The following FGF18 variants were observed in gnomAD, a reference collection of about 807,000 sequenced individuals.
The protein encoded by FGF18 is fibroblast growth factor 18.
FGF18 carries 5 observed loss-of-function variants against 23.0 expected under a neutral mutation model. The ratio of observed to expected loss-of-function variants is 0.22; its 90% confidence interval spans 0.11 to 0.46. FGF18 has a LOEUF of 0.46. Ranked by LOEUF, FGF18 falls within the 20% of genes least tolerant of loss-of-function variation. The pLI, the probability that FGF18 is intolerant of heterozygous loss-of-function variation, is 0.99. For synonymous variants in FGF18, 117 were observed against 118.9 expected (o/e 0.98, Z 0.10); for missense variants, 180 against 291.6 (o/e 0.62, Z 2.79).
intron 2 of FGF18, among the ~76,000 whole-genome samples, chr5:171,430,147 A>G (rs1772155962): frequency 6.6e-6 from 1 of 151,850 alleles, no homozygotes; most frequent in Non-Finnish European, 1.5e-5. Flanking sequence ...TCATGAGGTC[A>G]GGAGTTCAAG....
intron 3 of FGF18, among the ~76,000 whole-genome samples, chr5:171,447,146 C>T (rs1056696709): frequency 1.3e-5 from 2 of 152,234 alleles, no homozygotes; most frequent in Middle Eastern, 3.4e-3. Context: ...GAAGATTATA[C>T]CCCCATTTTA....
chr5:171,430,357 C>CAAA (rs397884738), intron 2 of FGF18, among the ~76,000 whole-genome samples: 1 of 94,866 alleles, frequency 1.1e-5, no homozygotes, highest in African/African-American at 3.9e-5. Context: ...GACTGTGTCT[C>CAAA]AAAAAAAAAA....
intron 3 of FGF18, among the ~76,000 whole-genome samples, chr5:171,442,373 GGGAA>G (rs1413938403): frequency 4.6e-5 from 7 of 152,196 alleles, no homozygotes; most frequent in Non-Finnish European, 1.5e-5. Context: ...GCCTTCAGTG[GGGAA>G]GGAGGGAGGG....
At chr5:171,441,520 C>T (rs954706931) in intron 3 of FGF18, among the ~76,000 whole-genome samples, 1 of 152,220 alleles carries the variant, frequency 6.6e-6, no homozygotes, top group African/African-American at 2.4e-5. Context: ...CCAGATATCC[C>T]CATGGCCCGC....
At chr5:171,455,793 T>G (rs1302184511) in intron 4 of FGF18, among the ~76,000 whole-genome samples, 1 of 152,196 alleles carries the variant, frequency 6.6e-6, no homozygotes, top group South Asian at 2.1e-4. Context: ...AGCCAATCAC[T>G]GAAGCCACAG....
chr5:171,439,055 A>C (rs1439839354), intron 3 of FGF18, among the ~76,000 whole-genome samples: 1 of 152,092 alleles, frequency 6.6e-6, no homozygotes, highest in Non-Finnish European at 1.5e-5. Flanking sequence ...CCCCGTAAAC[A>C]CCTGGAATCT....
chr5:171,424,918 G>A (rs1459134217), intron 2 of FGF18, among the ~76,000 whole-genome samples: 2 of 152,198 alleles, frequency 1.3e-5, no homozygotes, highest in Non-Finnish European at 2.9e-5. Context: ...AGTGTCACCC[G>A]CTCTGAGATA....
chr5:171,442,629 C>T (rs1349709045), intron 3 of FGF18, among the ~76,000 whole-genome samples: 2 of 152,244 alleles, frequency 1.3e-5, no homozygotes, highest in African/African-American at 4.8e-5. Context: ...ACCCACCCTC[C>T]AGCTTTGTTC....
At chr5:171,455,419 T>C (rs1412611448) in intron 4 of FGF18, among the ~76,000 whole-genome samples, 1 of 152,178 alleles carries the variant, frequency 6.6e-6, no homozygotes, top group African/African-American at 2.4e-5. Flanking sequence ...TAATGTCAGG[T>C]TTTATGCAAA....
At chr5:171,428,960 C>T (rs1453028921) in intron 2 of FGF18, among the ~76,000 whole-genome samples, 1 of 152,232 alleles carries the variant, frequency 6.6e-6, no homozygotes, top group Non-Finnish European at 1.5e-5. Context: ...GCAGTGCCCC[C>T]CTCCCCTGCT....
chr5:171,427,536 G>A (rs1251783993), intron 2 of FGF18, among the ~76,000 whole-genome samples: 1 of 152,158 alleles, frequency 6.6e-6, no homozygotes, highest in East Asian at 1.9e-4. Flanking sequence ...TAACCTCTCT[G>A]AGTCTCCACT....
At chr5:171,452,272 G>A (rs535631427) in intron 4 of FGF18, among the ~76,000 whole-genome samples, 4 of 152,288 alleles carry the variant, frequency 2.6e-5, no homozygotes, top group East Asian at 1.9e-4. Context: ...GCCAGGTCAC[G>A]AGGTCACTTC....
chr5:171,422,008 C>T (rs1037425580), intron 2 of FGF18, among the ~76,000 whole-genome samples: 2 of 152,090 alleles, frequency 1.3e-5, no homozygotes, highest in Non-Finnish European at 1.5e-5. Flanking sequence ...GCTTGTCTGA[C>T]CTGGGCAAGA....
intron 2 of FGF18, among the ~76,000 whole-genome samples, chr5:171,431,027 G>A (rs1284419532): frequency 6.6e-6 from 1 of 152,112 alleles, no homozygotes; most frequent in South Asian, 2.1e-4. Flanking sequence ...GATGTGTGAT[G>A]TGACGCACAT....
intron 3 of FGF18, among the ~76,000 whole-genome samples, chr5:171,438,899 G>A (rs1286863746): frequency 2.0e-5 from 3 of 152,114 alleles, no homozygotes; most frequent in Non-Finnish European, 4.4e-5. Context: ...TTGTCTCAGG[G>A]GGAGGGGCTG....
In FGF18 at chr5:171,426,951, A is replaced by G. The variant is rs941418639; in HGVS notation, c.69+6508A>G. Reference sequence around the variant, plus strand: ...TGGCCGGGCGTGGTGGCTCACGCCTATAATCCCAGCACTTTGGGAGGCCGA... The same window carrying G: ...TGGCCGGGCGTGGTGGCTCACGCCTGTAATCCCAGCACTTTGGGAGGCCGA... On this transcript the variant is annotated intron_variant, in intron 2 of 4. Coordinates refer to ENST00000274625, the MANE Select transcript of FGF18 (RefSeq NM_003862.3). Among the ~76,000 whole-genome samples the G allele has an allele frequency of 4.9e-4, 74 of 152,278 alleles. 2 individuals are homozygous for G. Among genetic ancestry groups the G allele is most frequent in the Admixed American group, 4.8e-3 (74 of 15,300 alleles).
chr5:171,421,216 C>G (rs1211499260), intron 2 of FGF18, among the ~76,000 whole-genome samples: 1 of 152,064 alleles, frequency 6.6e-6, no homozygotes, highest in African/African-American at 2.4e-5. Flanking sequence ...GCTCTGGCTT[C>G]CAAAGCCGTA....
In FGF18 at chr5:171,434,998, C is replaced by T. The variant is rs1772226203; in HGVS notation, c.70-1095C>T. Reference sequence around the variant, plus strand: ...ATTTGAGCAGAGACCCGAGTGAGCTCAAGGGGTTAGAATGTAAGGATCTGA... The same window carrying T: ...ATTTGAGCAGAGACCCGAGTGAGCTTAAGGGGTTAGAATGTAAGGATCTGA... On this transcript the variant is annotated intron_variant, in intron 2 of 4. Transcript: ENST00000274625. This position sits in a 1 kb window ranked among gnomAD's most constrained non-coding sequence, Gnocchi z 4.6. 6.6e-6 allele frequency among the ~76,000 whole-genome samples: 1 copy of T among 152,000 alleles called. No individual in the cohort carries two copies. Among genetic ancestry groups the T allele is most frequent in the Non-Finnish European group, 1.5e-5 (1 of 68,008 alleles).
intron 4 of FGF18, among the ~76,000 whole-genome samples, chr5:171,450,639 G>T (rs1027065338): frequency 6.6e-6 from 1 of 152,220 alleles, no homozygotes; most frequent in Admixed American, 6.5e-5. Flanking sequence ...CGCAGAGCGC[G>T]GCTCCGGGAT....
Sources: allele counts gnomAD v4.1 joint callset (sites outside exome capture counted in the v4.1 genomes callset), GRCh38; gene constraint gnomAD v4.1.1; non-coding constraint Gnocchi (gnomAD v3.1); transcripts MANE v1.5; gene names NCBI Gene and HGNC (gene_info 2026-07-23, HGNC 2026-07-21).